The following COL17A1 variants were observed in gnomAD, a reference collection of about 807,000 sequenced individuals.
The protein encoded by COL17A1 is collagen type XVII alpha 1 chain, also known as collagen alpha-1(XVII) chain.
COL17A1 carries 181 observed loss-of-function variants against 218.4 expected under a neutral mutation model. That is an observed-to-expected ratio of 0.83 (90% CI 0.73 to 0.94). The LOEUF (loss-of-function observed/expected upper bound fraction) is 0.94, where lower values mean the gene tolerates loss of function less well. Among genes scored for constraint, COL17A1 ranks in the 40% least tolerant of loss-of-function variants. The probability of loss-of-function intolerance (pLI) is 0.00; values close to 1 mark genes in which losing one functional copy is unlikely to be tolerated. For synonymous variants in COL17A1, 721 were observed against 731.0 expected (o/e 0.99, Z 0.22); for missense variants, 1,924 against 1,945.9 (o/e 0.99, Z 0.21).
chr10:104,046,393 C>T (rs2086410053), intron 32 of COL17A1, among the ~76,000 whole-genome samples: 2 of 152,148 alleles, frequency 1.3e-5, no homozygotes, highest in Non-Finnish European at 2.9e-5. Context: ...GCGCCCATGC[C>T]CTGTCATGCC....
At chr10:104,048,259 C>T (rs923226407) in intron 29 of COL17A1, 155 bp from the exon 30 acceptor site, 10 of 805,314 alleles carry the variant, frequency 1.2e-5, no homozygotes, top group Non-Finnish European at 2.3e-5. Context: ...TCTCTGGATA[C>T]GGTACTCCCA....
intron 32 of COL17A1, 30 bp from the exon 33 acceptor site, chr10:104,045,823 G>A (rs373040105): frequency 4.7e-5 from 75 of 1,597,934 alleles, no homozygotes; most frequent in African/African-American, 4.2e-4. Context: ...TAGTCAGGAC[G>A]ATGAAGGCCC....
At chr10:104,068,995 G>A (rs912730008) in intron 9 of COL17A1, among the ~76,000 whole-genome samples, 5 of 152,302 alleles carry the variant, frequency 3.3e-5, no homozygotes, top group African/African-American at 1.2e-4. Flanking sequence ...ATTCACTGGG[G>A]TCCCCAGGAT....
chr10:104,035,911 A>ATATGT (rs1554846980), intron 48 of COL17A1, among the ~76,000 whole-genome samples: 1 of 135,188 alleles, frequency 7.4e-6, no homozygotes, highest in Admixed American at 7.1e-5. Context: ...TGTGTATGGG[A>ATATGT]GTGTGTATGA....
rs562977504 is a variant in COL17A1, at chr10:104,052,048, C to T, written c.2002+107G>A. The T allele has an allele frequency of 6.8e-6, 10 of 1,480,048 alleles. No individual in the cohort carries two copies. The African/African-American group carries it at 1.4e-4, about 20-fold the overall frequency. 91.7% of individuals were successfully genotyped at this position (1,480,048 alleles called of 1,614,324 possible). On this transcript the variant is annotated intron_variant, in intron 24 of 55. Transcript: ENST00000648076. ...CCACCACCCCTGCACAGGCCTGGGG[C>T]AGGGGGTTAGGGCTGTCTGGGGTCC...
rs773030321 is a variant in COL17A1 at position 104,036,605 on chromosome 10, T to C, written c.3305A>G (p.Gln1102Arg). ...QRDDVRQYLR[Q>R]YLMGPRGPPG... ...CGGACCCCGAGGGCCCATCAAGTACTGACGTAGGTACTGACGCACGTCATC... is the reference window on the plus strand; with the variant it reads ...CGGACCCCGAGGGCCCATCAAGTACCGACGTAGGTACTGACGCACGTCATC... The change falls in exon 48 of 56, where the codon CAG (glutamine) becomes CGG (arginine). Residue 1102 changes from glutamine (Q) to arginine (R), a missense_variant. Coordinates refer to ENST00000648076, the MANE Select transcript of COL17A1 (RefSeq NM_000494.4). 2.5e-6 allele frequency: 4 copies of C among 1,613,946 alleles called. No individual in the cohort carries two copies. Among genetic ancestry groups the C allele is most frequent in the Non-Finnish European group, 3.4e-6 (4 of 1,179,896 alleles).
intron 17 of COL17A1, 22 bp from the exon 18 acceptor site, chr10:104,056,025 T>G: frequency 6.2e-7 from 1 of 1,613,872 alleles, no homozygotes; most frequent in South Asian, 1.1e-5. Flanking sequence ...AGACACACAC[T>G]GCGTCACTGA....
At chr10:104,047,201 T>C (rs965676253) in intron 31 of COL17A1, among the ~76,000 whole-genome samples, 1 of 151,888 alleles carries the variant, frequency 6.6e-6, no homozygotes, top group African/African-American at 2.4e-5. Flanking sequence ...CCACACAGCT[T>C]TCTTGGCTGG....
At position 104,062,248 on chromosome 10, in the gene COL17A1, G is replaced by A; in HGVS notation, c.910+10C>T. The stretch of plus-strand genomic sequence containing the variant: ...TTCCAGCGCCTAAGCTCCAACCCTA[G>A]CCTACTGACCTGTGGAAGTGGTGGT... On this transcript the variant is annotated intron_variant, in intron 12 of 55. Transcript: ENST00000648076. 1 of 1,614,220 alleles carries A rather than the reference G, an allele frequency of 6.2e-7. No homozygotes were observed. The highest frequency in any genetic ancestry group is 8.5e-7 in the Non-Finnish European group (1 of 1,180,046).
In COL17A1 at chr10:104,039,613, G is replaced by A. The variant is rs797045142; in HGVS notation, c.2816C>T (p.Thr939Ile). 6.2e-7 allele frequency: 1 copy of A among 1,614,176 alleles called. No homozygotes were observed. Among genetic ancestry groups the A allele is most frequent in the Non-Finnish European group, 8.5e-7 (1 of 1,180,030 alleles). Residue 939 changes from threonine to isoleucine, a missense_variant, in exon 42 of 56, where the codon ACC (threonine) becomes ATC (isoleucine). Transcript: ENST00000648076. ...GGGCGGGGTTCAGCCCTTACCTGAG[G>A]TTGAGAAACCTGGGAGGCCTTGCTC... ...QGEQGLPGFS[T>I]SGSSSFGLNL...
intron 1 of COL17A1, among the ~76,000 whole-genome samples, 172 bp from the exon 2 acceptor site, chr10:104,080,856 A>G (rs191655540): frequency 6.6e-6 from 1 of 152,334 alleles, no homozygotes; most frequent in Non-Finnish European, 1.5e-5. Context: ...CAGGTATAAT[A>G]GAGGTTAATT....
chr10:104,052,037 C>T (rs906807616), intron 24 of COL17A1, 118 bp downstream of exon 24: 256 of 1,405,248 alleles, frequency 1.8e-4, no homozygotes, highest in Non-Finnish European at 1.9e-4. Context: ...CACCCCTGCA[C>T]AGGCCTGGGG....
At chr10:104,055,746 C>T (rs771520418) in intron 18 of COL17A1, 36 bp downstream of exon 18, 1 of 1,612,042 alleles carries the variant, frequency 6.2e-7, no homozygotes, top group Non-Finnish European at 8.5e-7. Context: ...GAAAGGGACT[C>T]AGGGGAGCTG....
chr10:104,042,333 C>G, intron 36 of COL17A1, 87 bp downstream of exon 36: 2 of 1,427,124 alleles, frequency 1.4e-6, no homozygotes, highest in Non-Finnish European at 2.0e-6. Context: ...TTCACGTCAT[C>G]TAGAACAGAG....
At chr10:104,038,104 C>A (rs1288756452) in intron 45 of COL17A1, among the ~76,000 whole-genome samples, 1 of 152,098 alleles carries the variant, frequency 6.6e-6, no homozygotes, top group African/African-American at 2.4e-5. Flanking sequence ...CCAGCCTCCT[C>A]CCCAGGGTGT....
At chr10:104,038,128 CTG>C (rs1392814788) in intron 45 of COL17A1, among the ~76,000 whole-genome samples, 1 of 152,092 alleles carries the variant, frequency 6.6e-6, no homozygotes, top group Non-Finnish European at 1.5e-5. Flanking sequence ...CGAGGTGAGG[CTG>C]TGTCGGGGGC....
chr10:104,053,337 G>A (rs1021884467), intron 22 of COL17A1, among the ~76,000 whole-genome samples: 1 of 152,074 alleles, frequency 6.6e-6, no homozygotes, highest in African/African-American at 2.4e-5. Flanking sequence ...TTCTACCTCT[G>A]CCCCAAACCT....
chr10:104,050,047 A>T (rs563335120), intron 28 of COL17A1, 42 bp downstream of exon 28: 2 of 1,613,898 alleles, frequency 1.2e-6, no homozygotes, highest in East Asian at 4.5e-5. Context: ...GGATTTACAA[A>T]AGTCGTGGAT....
chr10:104,037,685 C>G lies in COL17A1; in HGVS notation c.3159G>C (p.Glu1053Asp). 6.2e-7 allele frequency: 1 copy of G among 1,614,190 alleles called. No homozygotes were observed. Among genetic ancestry groups the G allele is most frequent in the Non-Finnish European group, 8.5e-7 (1 of 1,180,040 alleles). The change falls in exon 46 of 56, where the codon GAG (glutamate) becomes GAC (aspartate). Residue 1053 changes from glutamate (E) to aspartate (D), a missense_variant. By Grantham distance (45) the Glu-to-Asp change is conservative. Coordinates refer to ENST00000648076, the MANE Select transcript of COL17A1 (RefSeq NM_000494.4). Reference protein sequence around the residue: ...PPGPVTTITGETFDYSELASH... With the variant: ...PPGPVTTITGDTFDYSELASH... ...TTGCCAGCTCTGAGTAGTCGAAAGT[C>G]TCGCCTGTGATGGTGGTGACAGGTC...
Sources: gnomAD v4.1 joint callset for allele counts (sites outside exome capture counted in the v4.1 genomes callset) on GRCh38, gnomAD v4.1.1 for gene constraint, MANE v1.5 for transcripts, NCBI Gene and HGNC (gene_info 2026-07-23, HGNC 2026-07-21) for gene names.